The following HNF4G variants were observed in gnomAD, a reference collection of about 807,000 sequenced individuals.
The protein encoded by HNF4G is hepatocyte nuclear factor 4-gamma.
In HNF4G, 21 loss-of-function variants were observed where a neutral mutation model predicts 50.9. The observed-to-expected ratio is 0.41, with a 90% CI of 0.29 to 0.59. The LOEUF (loss-of-function observed/expected upper bound fraction) is 0.59, where lower values mean the gene tolerates loss of function less well. HNF4G is among the 20% of genes least tolerant of loss of function. The pLI, the probability that HNF4G is intolerant of heterozygous loss-of-function variation, is 0.26. For synonymous variants in HNF4G, 198 were observed against 185.6 expected, an observed-to-expected ratio of 1.07 and a Z score of -0.54; for missense variants, 527 against 559.4, an observed-to-expected ratio of 0.94 and a Z score of 0.58.
intron 2 of HNF4G, among the ~76,000 whole-genome samples, chr8:75,507,575 A>G (rs1356236183): frequency 6.6e-6 from 1 of 152,204 alleles, no homozygotes; most frequent in Non-Finnish European, 1.5e-5. Context: ...TAAAATTCTA[A>G]TTGACATAAA....
At chr8:75,562,496 AC>A (rs980478979) in intron 9 of HNF4G, among the ~76,000 whole-genome samples, 5 of 152,142 alleles carry the variant, frequency 3.3e-5, no homozygotes, top group Non-Finnish European at 7.4e-5. Context: ...CAAGCCTAAT[AC>A]CAAACTAGAG....
chr8:75,484,871 A>G (rs1188163217), intron 1 of HNF4G, among the ~76,000 whole-genome samples: 1 of 152,244 alleles, frequency 6.6e-6, no homozygotes, highest in African/African-American at 2.4e-5. Context: ...ATGAAGTAGA[A>G]ACCATATTTA....
chr8:75,426,909 A>G (rs1810903115), intron 1 of HNF4G, among the ~76,000 whole-genome samples: 1 of 152,224 alleles, frequency 6.6e-6, no homozygotes, highest in East Asian at 1.9e-4. Flanking sequence ...GCCTGGGATC[A>G]TGATGGGGTT....
chr8:75,425,553 ATATAT>A (rs888405787), intron 1 of HNF4G, among the ~76,000 whole-genome samples: 2 of 147,434 alleles, frequency 1.4e-5, no homozygotes, highest in African/African-American at 2.5e-5. Flanking sequence ...AAATTTTTAC[ATATAT>A]TATATAATAT....
rs188783286 is a variant in HNF4G at position 75,529,047 on chromosome 8, G to A, written c.-23-14764G>A. On this transcript the variant is annotated intron_variant, in intron 2 of 10. Transcript: ENST00000354370. Reference sequence around the variant, plus strand: ...AACGCCTGTAATCCCAGCACTTTGGGAGGCCGAGACGGACGGTTCAAGAGG... The same window carrying A: ...AACGCCTGTAATCCCAGCACTTTGGAAGGCCGAGACGGACGGTTCAAGAGG... 3.4e-3 allele frequency among the ~76,000 whole-genome samples: 524 copies of A among 152,174 alleles called. 2 individuals carry two copies. Among genetic ancestry groups the A allele is most frequent in the Non-Finnish European group, 5.3e-3 (360 of 68,004 alleles).
chr8:75,559,276 TG>T (rs1387537836), intron 8 of HNF4G, among the ~76,000 whole-genome samples: 46 of 62,814 alleles, frequency 7.3e-4, no homozygotes, highest in African/African-American at 6.4e-3. Flanking sequence ...TTTTTTTGTT[TG>T]TTTTTTTTTT....
chr8:75,428,640 G>A (rs1810939706), intron 1 of HNF4G, among the ~76,000 whole-genome samples: 1 of 152,170 alleles, frequency 6.6e-6, no homozygotes, highest in Non-Finnish European at 1.5e-5. Flanking sequence ...AGGAAAAAAA[G>A]AGGAATATTT....
intron 1 of HNF4G, among the ~76,000 whole-genome samples, chr8:75,431,230 A>G (rs932457533): frequency 7.9e-5 from 12 of 152,246 alleles, no homozygotes; most frequent in Admixed American, 3.9e-4. Flanking sequence ...AGAAAGAGAA[A>G]TTGCAACATA....
intron 1 of HNF4G, among the ~76,000 whole-genome samples, chr8:75,428,341 C>T (rs1026517149): frequency 6.6e-6 from 1 of 152,122 alleles, no homozygotes; most frequent in East Asian, 1.9e-4. Context: ...TATATGCATG[C>T]TTTCATCTCT....
At chr8:75,496,772 A>G (rs1041692281) in intron 2 of HNF4G, among the ~76,000 whole-genome samples, 11 of 151,780 alleles carry the variant, frequency 7.2e-5, no homozygotes, top group African/African-American at 2.4e-4. Flanking sequence ...ATATATAGAA[A>G]TTATAACGAA....
chr8:75,553,657 G>A (rs910425630), intron 5 of HNF4G, among the ~76,000 whole-genome samples: 1 of 151,902 alleles, frequency 6.6e-6, no homozygotes, highest in Non-Finnish European at 1.5e-5. Flanking sequence ...GTCTTGGTGG[G>A]TACTTCATGC....
intron 2 of HNF4G, among the ~76,000 whole-genome samples, chr8:75,515,072 G>A (rs1035908775): frequency 3.7e-4 from 57 of 152,022 alleles, no homozygotes; most frequent in African/African-American, 1.3e-3. Context: ...AGTTATTTTA[G>A]TTCATGCTCA....
chr8:75,556,004 C>G lies in HNF4G; in HGVS notation c.668C>G (p.Ala223Gly). 2.5e-6 allele frequency: 4 copies of G among 1,577,042 alleles called. No homozygotes were observed. The highest frequency in any genetic ancestry group is 3.4e-6 in the Non-Finnish European group (4 of 1,159,846). ...AAGGTGGCACTGTTGAGAGCTCACG[C>G]AGGGGAGCACTTACTGCTTGGAGCT... ...DDQVALLRAH[A>G]GEHLLLGATK... Residue 223 changes from alanine to glycine, a missense_variant, in exon 6 of 10, where the codon GCA becomes GGA. Ala to Gly is a moderately conservative substitution (Grantham distance 60, BLOSUM62 0). Around this residue, in one of 5 missense-constraint regions of HNF4G, gnomAD observed 308 missense variants for 301.5 expected, o/e 1.02. Coordinates refer to ENST00000396423, the MANE Select transcript of HNF4G (RefSeq NM_004133.5).
At chr8:75,499,743 C>G (rs1449084515) in intron 2 of HNF4G, among the ~76,000 whole-genome samples, 1 of 151,756 alleles carries the variant, frequency 6.6e-6, no homozygotes, top group African/African-American at 2.4e-5. Context: ...CTCATATATT[C>G]ATGATAAATT....
chr8:75,436,035 G>A (rs1348728352), intron 1 of HNF4G, among the ~76,000 whole-genome samples: 1 of 151,824 alleles, frequency 6.6e-6, no homozygotes, highest in African/African-American at 2.4e-5. Flanking sequence ...TGTTGCTACT[G>A]TCTTAACTTT....
chr8:75,469,434 C>G (rs1812064124), intron 1 of HNF4G, among the ~76,000 whole-genome samples: 1 of 152,126 alleles, frequency 6.6e-6, no homozygotes, highest in Non-Finnish European at 1.5e-5. Flanking sequence ...TCTTGGTATA[C>G]ATAATTTTTT....
chr8:75,531,147 T>C (rs1429227342), intron 2 of HNF4G, among the ~76,000 whole-genome samples: 8 of 152,062 alleles, frequency 5.3e-5, no homozygotes, highest in Admixed American at 2.0e-4. Context: ...CCCTTTGAGA[T>C]AGAAATTCTA....
At chr8:75,463,915 C>G (rs142466492) in intron 1 of HNF4G, among the ~76,000 whole-genome samples, 1,694 of 151,950 alleles carry the variant, frequency 0.011, 23 homozygotes, top group African/African-American at 0.038. Flanking sequence ...GCTGGGATTA[C>G]AGGCATGTGC....
chr8:75,510,875 A>C (rs911492429), intron 2 of HNF4G, among the ~76,000 whole-genome samples: 1 of 152,126 alleles, frequency 6.6e-6, no homozygotes, highest in Non-Finnish European at 1.5e-5. Flanking sequence ...AAATAATCCC[A>C]AAATTAAAAT....
Sources: allele counts gnomAD v4.1 joint callset (sites outside exome capture counted in the v4.1 genomes callset), GRCh38; gene constraint gnomAD v4.1.1; regional missense constraint gnomAD v4.1.1; transcripts MANE v1.5; gene names NCBI Gene and HGNC (gene_info 2026-07-23, HGNC 2026-07-21).